Variants in GFRA2 observed in about 807,000 individuals in gnomAD.
The protein encoded by GFRA2 is GDNF family receptor alpha-2.
GFRA2 carries 17 observed loss-of-function variants against 48.3 expected under a neutral mutation model. That is an observed-to-expected ratio of 0.35 (90% CI 0.24 to 0.53). The LOEUF (loss-of-function observed/expected upper bound fraction) is 0.53. Among genes scored for constraint, GFRA2 ranks in the 20% least tolerant of loss-of-function variants. The pLI, the probability that GFRA2 is intolerant of heterozygous loss-of-function variation, is 0.93. For missense variants in GFRA2, 660 were observed against 637.3 expected, an observed-to-expected ratio of 1.04 and a Z score of -0.38; for synonymous variants, 305 against 257.2, an observed-to-expected ratio of 1.19 and a Z score of -1.78.
intron 3 of GFRA2, among the ~76,000 whole-genome samples, chr8:21,752,133 G>C (rs1805322551): frequency 6.6e-6 from 1 of 151,896 alleles, no homozygotes; most frequent in Non-Finnish European, 1.5e-5. Context: ...TGATTTTGCT[G>C]TCTTCTAGAC....
At chr8:21,736,560 A>C (rs1804473815) in intron 4 of GFRA2, among the ~76,000 whole-genome samples, 1 of 152,018 alleles carries the variant, frequency 6.6e-6, no homozygotes, top group Non-Finnish European at 1.5e-5. Context: ...CAGTGGCAAG[A>C]TCATAGCTCA....
At chr8:21,776,891 G>A (rs1250811716) in intron 2 of GFRA2, among the ~76,000 whole-genome samples, 4 of 152,128 alleles carry the variant, frequency 2.6e-5, no homozygotes, top group African/African-American at 9.7e-5. Flanking sequence ...AGACTCTCTT[G>A]AGAAACTCCT....
intron 2 of GFRA2, among the ~76,000 whole-genome samples, chr8:21,802,883 C>T (rs1461627011): frequency 2.0e-5 from 3 of 152,138 alleles, no homozygotes; most frequent in African/African-American, 7.2e-5. Flanking sequence ...CTTCCATATA[C>T]ATAGTTGTTC....
At chr8:21,740,186 A>G (rs903557350) in intron 4 of GFRA2, among the ~76,000 whole-genome samples, 96 of 151,556 alleles carry the variant, frequency 6.3e-4, no homozygotes, top group African/African-American at 2.3e-3. Context: ...GGTCACTCTC[A>G]CTCTCCTGCC....
chr8:21,714,848 G>A (rs1247025328), intron 4 of GFRA2, among the ~76,000 whole-genome samples: 1 of 152,128 alleles, frequency 6.6e-6, no homozygotes, highest in Non-Finnish European at 1.5e-5. Flanking sequence ...ACAAAGGAAT[G>A]GGGCACTTGA....
chr8:21,765,871 T>C (rs1806125969), intron 3 of GFRA2, among the ~76,000 whole-genome samples: 1 of 152,100 alleles, frequency 6.6e-6, no homozygotes, highest in African/African-American at 2.4e-5. Flanking sequence ...TTCATCCCAC[T>C]TCCTTTCAAC....
At chr8:21,777,625 G>T (rs1049276766) in intron 2 of GFRA2, among the ~76,000 whole-genome samples, 1 of 152,218 alleles carries the variant, frequency 6.6e-6, no homozygotes, top group Admixed American at 6.5e-5. Context: ...TGTCACCTTT[G>T]CAGAAGGCAA....
rs1367225063 is a variant in GFRA2, at chr8:21,788,384, C to T, written c.-225G>A. The T allele has an allele frequency of 1.0e-5, 14 of 1,336,632 alleles. No individual in the cohort carries two copies. The highest frequency in any genetic ancestry group is 2.0e-4 in the Middle Eastern group (1 of 5,062). The allele number at this position is 1,336,632 out of a possible 1,614,324, so 82.8% of individuals were successfully genotyped here. A position where few individuals can be genotyped will look rare whatever the true frequency, so the allele number is the denominator to read the frequency against. ...GATGGGCTGCTGCCTCTCGACGCCC[C>T]CCTTGCCCGCTACAATCAAATATAC... On this transcript the variant is annotated 5_prime_UTR_variant, in exon 1 of 9. Transcript: ENST00000524240.
intron 3 of GFRA2, among the ~76,000 whole-genome samples, chr8:21,762,319 T>C (rs1805954865): frequency 6.6e-6 from 1 of 152,142 alleles, no homozygotes; most frequent in Non-Finnish European, 1.5e-5. Flanking sequence ...TGCCTCCCAG[T>C]CCTCTCAGTT....
intron 3 of GFRA2, among the ~76,000 whole-genome samples, chr8:21,752,087 T>C (rs1805320547): frequency 6.6e-6 from 1 of 152,188 alleles, no homozygotes; most frequent in Admixed American, 6.5e-5. Flanking sequence ...TAAGCATGAA[T>C]GAGACAGCTC....
intron 4 of GFRA2, among the ~76,000 whole-genome samples, chr8:21,708,877 TA>T (rs1259642028): frequency 1.3e-5 from 2 of 152,214 alleles, no homozygotes; most frequent in African/African-American, 4.8e-5. Context: ...AGTGAAAGAA[TA>T]AACTTCTGTT....
intron 7 of GFRA2, among the ~76,000 whole-genome samples, chr8:21,697,499 C>A (rs1370644012): frequency 6.6e-6 from 1 of 152,016 alleles, no homozygotes; most frequent in Non-Finnish European, 1.5e-5. Flanking sequence ...TGTTGCCCAG[C>A]AGCTGACCTT....
chr8:21,798,774 C>A (rs1375142652), intron 2 of GFRA2, among the ~76,000 whole-genome samples: 1 of 152,186 alleles, frequency 6.6e-6, no homozygotes, highest in Non-Finnish European at 1.5e-5. Flanking sequence ...CTACTTGGGA[C>A]AGCTTTTGCT....
chr8:21,773,042 G>C (rs1214858898), intron 3 of GFRA2, among the ~76,000 whole-genome samples: 1 of 152,350 alleles, frequency 6.6e-6, no homozygotes, highest in East Asian at 1.9e-4. Flanking sequence ...AGCATCCACA[G>C]GCCAATGGCA....
intron 4 of GFRA2, among the ~76,000 whole-genome samples, chr8:21,706,920 T>C (rs768135248): frequency 7.9e-5 from 12 of 152,298 alleles, no homozygotes; most frequent in Non-Finnish European, 1.5e-4. Context: ...CATTCCTTCC[T>C]CTTCCTCCTG....
chr8:21,724,342 G>A (rs187781676), intron 4 of GFRA2, among the ~76,000 whole-genome samples: 7 of 152,218 alleles, frequency 4.6e-5, no homozygotes, highest in African/African-American at 9.6e-5. Flanking sequence ...GGGTTGGTGC[G>A]GGGCTGTTGA....
chr8:21,697,339 G>T (rs73552644), intron 7 of GFRA2, among the ~76,000 whole-genome samples: 5,978 of 151,912 alleles, frequency 0.039, 149 homozygotes, highest in African/African-American at 0.074. Flanking sequence ...GAGAATAAAG[G>T]GGGAGGCAAG....
intron 2 of GFRA2, among the ~76,000 whole-genome samples, chr8:21,798,607 C>G (rs1393154534): frequency 9.9e-5 from 15 of 152,202 alleles, no homozygotes; most frequent in Non-Finnish European, 2.2e-4. Flanking sequence ...CAAGGATGAT[C>G]AAATGAGACA....
intron 1 of GFRA2, among the ~76,000 whole-genome samples, chr8:21,785,202 C>T (rs1807209893): frequency 6.6e-6 from 1 of 152,170 alleles, no homozygotes; most frequent in Non-Finnish European, 1.5e-5. Context: ...GCTTTTTTTG[C>T]TTGTCCTACA....
Sources: gnomAD v4.1 joint callset for allele counts (sites outside exome capture counted in the v4.1 genomes callset) on GRCh38, gnomAD v4.1.1 for gene constraint, MANE v1.5 for transcripts, NCBI Gene and HGNC (gene_info 2026-07-23, HGNC 2026-07-21) for gene names.